The following LRRC7 variants were observed in gnomAD, a reference collection of about 807,000 sequenced individuals.
The protein encoded by LRRC7 is leucine-rich repeat-containing protein 7.
A neutral mutation model predicts 175.7 loss-of-function variants in LRRC7; 23 were observed. The observed-to-expected ratio is 0.13, with a 90% CI of 0.09 to 0.19. The LOEUF is 0.19. LRRC7 is among the 10% of genes least tolerant of loss of function. The probability of loss-of-function intolerance (pLI) is 1.00; values close to 1 mark genes in which losing one functional copy is unlikely to be tolerated. For missense variants in LRRC7, 1,354 were observed against 1,904.7 expected, an observed-to-expected ratio of 0.71 and a Z score of 5.38; for synonymous variants, 685 against 680.9, an observed-to-expected ratio of 1.01 and a Z score of -0.09.
intron 11 of LRRC7, among the ~76,000 whole-genome samples, chr1:70,011,012 G>C (rs1351679971): frequency 6.6e-6 from 1 of 152,166 alleles, no homozygotes; most frequent in African/African-American, 2.4e-5. Flanking sequence ...CGTATTGACA[G>C]AGCTTTCTCT....
chr1:69,875,964 A>G (rs879781980), intron 7 of LRRC7, among the ~76,000 whole-genome samples: 3 of 151,914 alleles, frequency 2.0e-5, no homozygotes, highest in Admixed American at 2.0e-4. Context: ...ATACCATACA[A>G]CCCTTTCCTT....
In LRRC7 at chr1:70,028,146, T is replaced by C. The variant is rs564012974; in HGVS notation, c.1795-25T>C. ...ATGCTTGCTGAAGTTATTTTTATGT[T>C]AAATTTCTTTTTGTAAACTTCTAGG... On this transcript the variant is annotated intron_variant, in intron 17 of 26. Coordinates refer to ENST00000651989, the MANE Select transcript of LRRC7 (RefSeq NM_001370785.2). 5.0e-6 allele frequency: 8 copies of C among 1,587,302 alleles called. No individual in the cohort carries two copies. The Admixed American group carries it at 6.8e-5, about 14-fold the overall frequency.
rs773304670 is a variant in LRRC7, at chr1:70,124,348, G to A, written c.*2461G>A. 1.3e-4 allele frequency among the ~76,000 whole-genome samples: 19 copies of A among 151,924 alleles called. No individual in the cohort carries two copies. Among genetic ancestry groups the A allele is most frequent in the Non-Finnish European group, 2.2e-4 (15 of 67,974 alleles). On this transcript the variant is annotated 3_prime_UTR_variant, in exon 27 of 27. Transcript: ENST00000651989. ...ACCAGCCTGGCCAACATGGTGAAAC[G>A]CCATCTCTACTAAAAATACAAAAAT...
chr1:69,606,738 T>G (rs1647647430), intron 1 of LRRC7: 1 of 152,114 alleles, frequency 6.6e-6, no homozygotes, highest in Non-Finnish European at 1.5e-5. Flanking sequence ...ATCTTATAGA[T>G]TCTTTCCTTG....
chr1:69,878,875 A>G (rs959780445), intron 7 of LRRC7, among the ~76,000 whole-genome samples: 1 of 148,258 alleles, frequency 6.7e-6, no homozygotes. Context: ...TAATATTTAT[A>G]TATAAATATA....
intron 7 of LRRC7, among the ~76,000 whole-genome samples, chr1:69,892,108 C>G (rs1336468827): frequency 6.6e-6 from 1 of 152,020 alleles, no homozygotes; most frequent in Admixed American, 6.6e-5. Context: ...AATTATAACT[C>G]AATAAAACTG....
intron 7 of LRRC7, among the ~76,000 whole-genome samples, chr1:69,888,981 A>G (rs1048607133): frequency 6.6e-6 from 1 of 152,226 alleles, no homozygotes; most frequent in African/African-American, 2.4e-5. Flanking sequence ...CAATGAAACT[A>G]TTGTTTTCCA....
At chr1:69,635,320 A>G (rs1271220008) in intron 1 of LRRC7, among the ~76,000 whole-genome samples, 1 of 152,102 alleles carries the variant, frequency 6.6e-6, no homozygotes, top group Non-Finnish European at 1.5e-5. Context: ...AAGCTTAGCG[A>G]AAGTGATTAA....
intron 1 of LRRC7, among the ~76,000 whole-genome samples, chr1:69,617,547 TAAAA>T (rs11473590): frequency 2.4e-4 from 15 of 62,004 alleles, no homozygotes; most frequent in South Asian, 1.5e-3. Context: ...ATACTCACAG[TAAAA>T]AAAAAAAAAA....
At chr1:69,587,916 G>A (rs1646469203) in intron 1 of LRRC7, among the ~76,000 whole-genome samples, 1 of 152,094 alleles carries the variant, frequency 6.6e-6, no homozygotes, top group Non-Finnish European at 1.5e-5. Flanking sequence ...CCCAGTCTCA[G>A]GTATCTTTAT....
chr1:69,650,316 G>A (rs1450805163), intron 1 of LRRC7, among the ~76,000 whole-genome samples: 1 of 151,888 alleles, frequency 6.6e-6, no homozygotes, highest in Non-Finnish European at 1.5e-5. Context: ...CAGGACGGGT[G>A]GATCACGAAG....
At chr1:69,830,153 A>G (rs1236678365) in intron 5 of LRRC7, among the ~76,000 whole-genome samples, 1 of 151,786 alleles carries the variant, frequency 6.6e-6, no homozygotes, top group Admixed American at 6.6e-5. Flanking sequence ...ATTTCACCAT[A>G]TCTGATAAGG....
At chr1:69,723,707 C>A (rs1049091213) in intron 2 of LRRC7, among the ~76,000 whole-genome samples, 1 of 152,072 alleles carries the variant, frequency 6.6e-6, no homozygotes, top group Non-Finnish European at 1.5e-5. Flanking sequence ...GCGTTTATTT[C>A]TTACAGTTCT....
chr1:69,995,732 C>T (rs1436886855), intron 11 of LRRC7, among the ~76,000 whole-genome samples: 1 of 152,146 alleles, frequency 6.6e-6, no homozygotes, highest in Admixed American at 6.5e-5. Flanking sequence ...AGGACGTGAA[C>T]TCATCATTTT....
At chr1:70,016,972 T>C (rs1490667649) in intron 14 of LRRC7, among the ~76,000 whole-genome samples, 1 of 152,144 alleles carries the variant, frequency 6.6e-6, no homozygotes, top group Non-Finnish European at 1.5e-5. Flanking sequence ...ATTCAAAAGC[T>C]TCATTAATGA....
chr1:69,984,472 A>G (rs1396007422), intron 9 of LRRC7, among the ~76,000 whole-genome samples: 1 of 152,202 alleles, frequency 6.6e-6, no homozygotes, highest in Admixed American at 6.5e-5. Context: ...CAGATGAACC[A>G]TTCGTTGAGT....
intron 2 of LRRC7, among the ~76,000 whole-genome samples, chr1:69,712,271 C>T (rs12728989): frequency 0.22 from 32,793 of 151,754 alleles, 4,031 homozygotes; most frequent in African/African-American, 0.31. Context: ...CGTGCACACG[C>T]GCAAGTGCTT....
At chr1:69,741,457 G>T (rs1366106689) in intron 2 of LRRC7, among the ~76,000 whole-genome samples, 1 of 151,776 alleles carries the variant, frequency 6.6e-6, no homozygotes, top group African/African-American at 2.4e-5. Flanking sequence ...AAAATGAAAA[G>T]AAAAGAAAAG....
In LRRC7 at chr1:69,698,711, C is replaced by G. The variant is rs868421618; in HGVS notation, c.100+20233C>G. Among the ~76,000 whole-genome samples the G allele has an allele frequency of 1.2e-4, 19 of 152,240 alleles. 1 individual carries two copies. Among genetic ancestry groups the G allele is most frequent in the Middle Eastern group, 3.4e-3 (1 of 294 alleles). On this transcript the variant is annotated intron_variant, in intron 2 of 26. Coordinates refer to ENST00000651989, the MANE Select transcript of LRRC7 (RefSeq NM_001370785.2). The stretch of plus-strand genomic sequence containing the variant: ...TAAGATGTAACTGTATTTTCATTAC[C>G]TTCTGTGCATTGAAAGGGGGATAGT...
Sources: gnomAD v4.1 joint callset for allele counts (sites outside exome capture counted in the v4.1 genomes callset) on GRCh38, gnomAD v4.1.1 for gene constraint, MANE v1.5 for transcripts, NCBI Gene and HGNC (gene_info 2026-07-23, HGNC 2026-07-21) for gene names.